Variants in AXDND1 observed in about 807,000 individuals in gnomAD.
AXDND1 encodes the protein axonemal dynein light chain domain-containing protein 1.
In AXDND1, 110 loss-of-function variants were observed where a neutral mutation model predicts 137.5. The observed-to-expected ratio is 0.80, with a 90% confidence interval of 0.69 to 0.94. AXDND1 has a LOEUF of 0.94. Ranked by LOEUF, AXDND1 falls within the 40% of genes least tolerant of loss-of-function variation. AXDND1 has a pLI of 0.00. For missense variants in AXDND1, 1,191 were observed against 1,169.8 expected (o/e 1.02, Z -0.26); for synonymous variants, 414 against 399.7 (o/e 1.04, Z -0.43).
intron 16 of AXDND1, among the ~76,000 whole-genome samples, chr1:179,460,100 T>C (rs572684468): frequency 6.6e-6 from 1 of 151,828 alleles, no homozygotes; most frequent in Non-Finnish European, 1.5e-5. Flanking sequence ...CGTGCAGGTT[T>C]GTTACATGTG....
At chr1:179,492,085 A>G (rs1666965002) in intron 19 of AXDND1, among the ~76,000 whole-genome samples, 2 of 151,968 alleles carry the variant, frequency 1.3e-5, no homozygotes, top group Non-Finnish European at 2.9e-5. Flanking sequence ...ACCGTCATGT[A>G]TTTTTTTAGA....
At chr1:179,436,697 G>A (rs1193660544) in intron 15 of AXDND1, among the ~76,000 whole-genome samples, 1 of 152,072 alleles carries the variant, frequency 6.6e-6, no homozygotes, top group Non-Finnish European at 1.5e-5. Context: ...GTTGGAGGGT[G>A]CAGGGGCAAG....
intron 21 of AXDND1, among the ~76,000 whole-genome samples, chr1:179,517,466 A>C (rs957060409): frequency 1.3e-5 from 2 of 152,166 alleles, no homozygotes; most frequent in Admixed American, 1.3e-4. Flanking sequence ...TTCTAGCGGG[A>C]GGCACCTCGC....
At chr1:179,412,939 T>C (rs1040604058) in intron 12 of AXDND1, among the ~76,000 whole-genome samples, 5 of 152,172 alleles carry the variant, frequency 3.3e-5, no homozygotes, top group Non-Finnish European at 5.9e-5. Context: ...CTTTATTGGG[T>C]TGTGGAAGTT....
At chr1:179,512,643 T>C (rs1669167269) in intron 21 of AXDND1, among the ~76,000 whole-genome samples, 1 of 152,186 alleles carries the variant, frequency 6.6e-6, no homozygotes, top group African/African-American at 2.4e-5. Context: ...AATTTGTAGA[T>C]TGCTTTTAGC....
chr1:179,550,484 GT>G (rs1328859654), intron 25 of AXDND1: 1 of 149,472 alleles, frequency 6.7e-6, no homozygotes, highest in Non-Finnish European at 1.5e-5. Flanking sequence ...TGTGTCAGAT[GT>G]TTTTGTCCTT....
intron 17 of AXDND1, among the ~76,000 whole-genome samples, chr1:179,479,778 A>T (rs1050583482): frequency 2.7e-5 from 4 of 147,882 alleles, no homozygotes; most frequent in Admixed American, 1.4e-4. Flanking sequence ...CTCCATCTCA[A>T]AAAAGAAAGA....
At chr1:179,513,792 A>G (rs1029003718) in intron 21 of AXDND1, among the ~76,000 whole-genome samples, 5 of 151,576 alleles carry the variant, frequency 3.3e-5, no homozygotes, top group African/African-American at 1.2e-4. Flanking sequence ...TTAAGCTAGG[A>G]GTGTTGTATT....
In AXDND1 at chr1:179,377,249, C is replaced by G. The variant is rs535560734; in HGVS notation, c.375-1388C>G. Among the ~76,000 whole-genome samples, 10 of 152,288 alleles carry G rather than the reference C, an allele frequency of 6.6e-5. No homozygotes were observed. The East Asian group carries it at 1.9e-3, about 29-fold the overall frequency. Reference sequence around the variant, plus strand: ...AACTGGCCTTGAAATTGTAATATTTCTGTATTGTCATTCTTCACCACTAGA... The same window carrying G: ...AACTGGCCTTGAAATTGTAATATTTGTGTATTGTCATTCTTCACCACTAGA... On this transcript the variant is annotated intron_variant, in intron 4 of 25. Transcript: ENST00000367618.
chr1:179,469,458 G>A (rs988607), intron 17 of AXDND1, among the ~76,000 whole-genome samples: 25,512 of 151,994 alleles, frequency 0.17, 2,481 homozygotes, highest in East Asian at 0.35. Context: ...AATGAGTAAT[G>A]TTTCAATAAA....
At chr1:179,462,935 G>A (rs1662574165) in intron 16 of AXDND1, among the ~76,000 whole-genome samples, 1 of 152,036 alleles carries the variant, frequency 6.6e-6, no homozygotes, top group African/African-American at 2.4e-5. Context: ...ATTCTCTGAT[G>A]GTAGTTTGTA....
In AXDND1 at chr1:179,500,692, A is replaced by T. The variant is rs187556305; in HGVS notation, c.2388+7741A>T. On this transcript the variant is annotated intron_variant, in intron 20 of 25. Coordinates refer to ENST00000367618, the MANE Select transcript of AXDND1 (RefSeq NM_144696.6). ...TGAATTAATTTATTTTTATTTTTTGAGACAGAATCTGGCTCTGTTGCCCAG... is the reference window on the plus strand; with the variant it reads ...TGAATTAATTTATTTTTATTTTTTGTGACAGAATCTGGCTCTGTTGCCCAG... Among the ~76,000 whole-genome samples, 5 of 152,292 alleles carry T rather than the reference A, an allele frequency of 3.3e-5. No homozygotes were observed. In the East Asian group the frequency reaches 9.6e-4, roughly 29 times the overall value.
intron 25 of AXDND1, among the ~76,000 whole-genome samples, chr1:179,553,236 A>G (rs1209916304): frequency 6.6e-6 from 1 of 152,232 alleles, no homozygotes; most frequent in African/African-American, 2.4e-5. Flanking sequence ...TTACCATGTG[A>G]CCTAGTAATT....
intron 16 of AXDND1, among the ~76,000 whole-genome samples, chr1:179,462,589 T>G (rs1662513545): frequency 6.6e-6 from 1 of 152,362 alleles, no homozygotes; most frequent in Non-Finnish European, 1.5e-5. Flanking sequence ...TTCCCTCTTT[T>G]TCTATTGATT....
chr1:179,534,967 G>A lies in AXDND1; in HGVS notation c.3031+5G>A. The A allele has an allele frequency of 1.2e-6, 2 of 1,606,770 alleles. No homozygotes were observed. The highest frequency in any genetic ancestry group is 1.3e-5 in the African/African-American group (1 of 74,552). ...CCTCAAAATCTCCAAAGAAAGGTAA[G>A]GATTGCTTCGTATTTTGCTTTATTC... On this transcript the variant is annotated splice_donor_5th_base_variant and intron_variant, in intron 25 of 25. Coordinates refer to ENST00000367618, the MANE Select transcript of AXDND1 (RefSeq NM_144696.6).
intron 21 of AXDND1, among the ~76,000 whole-genome samples, chr1:179,511,742 G>T (rs770363504): frequency 1.5e-4 from 23 of 152,000 alleles, no homozygotes; most frequent in Non-Finnish European, 2.5e-4. Context: ...TTGATTTTTT[G>T]ATTATGGCCA....
chr1:179,528,383 A>C lies in AXDND1; in HGVS notation c.2667A>C (p.Glu889Asp), dbSNP rs1670739655. The C allele has an allele frequency of 1.2e-6, 2 of 1,614,004 alleles. No individual in the cohort carries two copies. The highest frequency in any genetic ancestry group is 4.5e-5 in the East Asian group (2 of 44,868). The change falls in exon 23 of 26, where the codon GAA (glutamate) becomes GAC (aspartate). Residue 889 changes from glutamate to aspartate, a missense_variant. Physicochemically the swap from Glu to Asp is conservative, Grantham distance 45. Transcript: ENST00000367618. ...EKLIRFIGEDENVHSKPLFET... is the reference protein window; with the variant it reads ...EKLIRFIGEDDNVHSKPLFET... Reference sequence around the variant, plus strand: ...TCATTCGATTCATTGGAGAAGATGAAAATGTTCATTCCAAACCTCTATTTG... The same window carrying C: ...TCATTCGATTCATTGGAGAAGATGACAATGTTCATTCCAAACCTCTATTTG...
At chr1:179,537,589 G>T (rs905882873) in intron 25 of AXDND1, among the ~76,000 whole-genome samples, 2 of 152,150 alleles carry the variant, frequency 1.3e-5, no homozygotes, top group African/African-American at 4.8e-5. Flanking sequence ...GCTGGATTTG[G>T]TTTGCCAGTA....
chr1:179,468,598 C>T lies in AXDND1; in HGVS notation c.1954C>T (p.Leu652Phe). The change falls in exon 17 of 26, where the codon CTT (leucine) becomes TTT (phenylalanine). Residue 652 changes from leucine to phenylalanine, a missense_variant. Transcript: ENST00000367618. ...MKSHLDILLN[L>F]TGIVPQHIDV... ...ATCACACTTGGATATATTGTTAAAC[C>T]TTACTGGTATTGTTCCACAGCACAT... 1 of 1,612,330 alleles carries T rather than the reference C, an allele frequency of 6.2e-7. No homozygotes were observed. Among genetic ancestry groups the T allele is most frequent in the East Asian group, 2.2e-5 (1 of 44,776 alleles).
Sources: allele counts gnomAD v4.1 joint callset (sites outside exome capture counted in the v4.1 genomes callset), GRCh38; gene constraint gnomAD v4.1.1; transcripts MANE v1.5; gene names NCBI Gene and HGNC (gene_info 2026-07-23, HGNC 2026-07-21).